FMN1: variants seen among roughly 807,000 people sequenced by gnomAD.
FMN1 encodes formin-1.
FMN1 carries 110 observed loss-of-function variants against 132.4 expected under a neutral mutation model. The observed-to-expected ratio is 0.83, with a 90% CI of 0.71 to 0.97. The LOEUF (loss-of-function observed/expected upper bound fraction) is 0.97. FMN1 is among the 50% of genes least tolerant of loss of function. The pLI, the probability that FMN1 is intolerant of heterozygous loss-of-function variation, is 0.00. For missense variants in FMN1, 1,792 were observed against 1,705.3 expected, an observed-to-expected ratio of 1.05 and a Z score of -0.90; for synonymous variants, 722 against 651.7, an observed-to-expected ratio of 1.11 and a Z score of -1.64.
intron 5 of FMN1, among the ~76,000 whole-genome samples, chr15:33,080,357 G>A (rs1204315798): frequency 2.6e-5 from 4 of 152,188 alleles, no homozygotes; most frequent in Admixed American, 6.5e-5. Flanking sequence ...GTAACTGAGT[G>A]CCTACATTTT....
chr15:33,185,260 G>A (rs749287522), intron 2 of FMN1, among the ~76,000 whole-genome samples: 23 of 152,298 alleles, frequency 1.5e-4, no homozygotes, highest in Non-Finnish European at 2.4e-4. Flanking sequence ...CTGTTTAGGT[G>A]CCATGGCAAT....
rs1362308495 is a variant in FMN1 at position 32,940,376 on chromosome 15, C to T, written c.3139-14115G>A. On this transcript the variant is annotated intron_variant, in intron 9 of 20. Transcript: ENST00000616417. ...AATACGCAAATTCCCATGTCTACTG[C>T]AAACAAAATAAAAATTGTGTGTGTG... Among the ~76,000 whole-genome samples, 2 of 148,686 alleles carry T rather than the reference C, an allele frequency of 1.3e-5. 1 individual carries two copies. The highest frequency in any genetic ancestry group is 1.4e-4 in the Admixed American group (2 of 14,652).
chr15:33,050,970 G>C (rs1298562555), intron 6 of FMN1, among the ~76,000 whole-genome samples: 2 of 152,226 alleles, frequency 1.3e-5, no homozygotes, highest in African/African-American at 4.8e-5. Flanking sequence ...AGATTTTATA[G>C]TATGACCCCA....
At chr15:33,161,356 G>C (rs71462852) in intron 3 of FMN1, among the ~76,000 whole-genome samples, 2,524 of 152,136 alleles carry the variant, frequency 0.017, 33 homozygotes, top group Non-Finnish European at 0.024. Flanking sequence ...AAGAGGGCTC[G>C]GGACCTTTAT....
intron 16 of FMN1, among the ~76,000 whole-genome samples, chr15:32,870,407 G>A (rs2059488036): frequency 1.3e-5 from 2 of 152,188 alleles, no homozygotes; most frequent in Non-Finnish European, 2.9e-5. Context: ...ACTGAGGGAG[G>A]CTGCCCAAGA....
intron 5 of FMN1, among the ~76,000 whole-genome samples, 154 bp downstream of exon 5, chr15:33,088,645 T>G (rs2038791649): frequency 6.6e-6 from 1 of 152,192 alleles, no homozygotes; most frequent in African/African-American, 2.4e-5. Flanking sequence ...ATCACCAAGA[T>G]GCATCTTCAT....
Position 32,912,706 on chromosome 15 carries a change from G to A in FMN1, c.3227-2171C>T, listed in dbSNP as rs1027567819. Among the ~76,000 whole-genome samples the A allele has an allele frequency of 2.6e-5, 4 of 151,572 alleles. 1 individual carries two copies. The South Asian group carries it at 8.3e-4, about 32-fold the overall frequency. ...CAGGGAGAGGTAACTGCAAAGACAAGTTTCTTTTTCTGAAGGAACACATTC... is the reference window on the plus strand; with the variant it reads ...CAGGGAGAGGTAACTGCAAAGACAAATTTCTTTTTCTGAAGGAACACATTC... On this transcript the variant is annotated intron_variant, in intron 10 of 20. Coordinates refer to ENST00000616417, the MANE Select transcript of FMN1 (RefSeq NM_001277313.2).
At chr15:32,830,248 T>A (rs1423040128) in intron 17 of FMN1, among the ~76,000 whole-genome samples, 1 of 152,194 alleles carries the variant, frequency 6.6e-6, no homozygotes, top group African/African-American at 2.4e-5. Context: ...TCTGGCCATA[T>A]AACTGAGTGC....
At chr15:33,088,343 G>C (rs1267949179) in intron 5 of FMN1, among the ~76,000 whole-genome samples, 1 of 152,198 alleles carries the variant, frequency 6.6e-6, no homozygotes, top group African/African-American at 2.4e-5. Context: ...TGCCAACCTA[G>C]TCACCTGTTA....
chr15:33,128,521 A>G (rs1289932381), intron 4 of FMN1, among the ~76,000 whole-genome samples: 3 of 152,254 alleles, frequency 2.0e-5, no homozygotes, highest in African/African-American at 7.2e-5. Context: ...TGAGAATGAA[A>G]CAGCGTGATA....
chr15:33,030,423 G>A (rs879490916), intron 6 of FMN1, among the ~76,000 whole-genome samples: 26 of 152,258 alleles, frequency 1.7e-4, no homozygotes, highest in Admixed American at 1.3e-3. Flanking sequence ...GAAAAATCAC[G>A]TCACTCTGTG....
chr15:33,178,996 T>C (rs1310300317), intron 3 of FMN1, among the ~76,000 whole-genome samples: 1 of 152,188 alleles, frequency 6.6e-6, no homozygotes, highest in Non-Finnish European at 1.5e-5. Context: ...AAATCCAACC[T>C]GCGTCTCTGC....
intron 4 of FMN1, among the ~76,000 whole-genome samples, chr15:33,125,231 A>C (rs922864748): frequency 6.6e-6 from 1 of 152,208 alleles, no homozygotes; most frequent in African/African-American, 2.4e-5. Context: ...TGTCTTCCAT[A>C]AAATGGAGGA....
intron 4 of FMN1, among the ~76,000 whole-genome samples, chr15:33,124,918 ATAC>A (rs1312716373): frequency 6.6e-6 from 1 of 151,874 alleles, no homozygotes; most frequent in East Asian, 1.9e-4. Context: ...AATGTTAAAG[ATAC>A]TATGTGCCAC....
chr15:32,904,537 G>C (rs1176749746), intron 12 of FMN1, among the ~76,000 whole-genome samples: 1 of 152,136 alleles, frequency 6.6e-6, no homozygotes, highest in Non-Finnish European at 1.5e-5. Flanking sequence ...CAAGAGGAAA[G>C]GTAAGAGGGG....
intron 17 of FMN1, among the ~76,000 whole-genome samples, chr15:32,848,972 C>CTTTTTT (rs1224231827): frequency 1.9e-4 from 13 of 68,590 alleles, no homozygotes; most frequent in East Asian, 7.8e-4. Flanking sequence ...GGTTAGTTCT[C>CTTTTTT]TTTTGTTTTT....
chr15:33,151,315 A>C, intron 4 of FMN1: 1 of 1,536,534 alleles, frequency 6.5e-7, no homozygotes, highest in Non-Finnish European at 8.7e-7. Context: ...GGTTAGAAGC[A>C]CAGGAGATGC....
At chr15:32,808,264 A>C (rs971355538) in intron 17 of FMN1, among the ~76,000 whole-genome samples, 4 of 152,216 alleles carry the variant, frequency 2.6e-5, no homozygotes, top group African/African-American at 9.6e-5. Flanking sequence ...ATCAGAACTC[A>C]TGATAACTAA....
chr15:33,067,111 ACT>A (rs773092678), intron 5 of FMN1: 1 of 1,613,926 alleles, frequency 6.2e-7, no homozygotes, highest in South Asian at 1.1e-5. Context: ...TAGAAGAGGC[ACT>A]CTCAGTGATA....
Sources: gnomAD v4.1 joint callset for allele counts (sites outside exome capture counted in the v4.1 genomes callset) on GRCh38, gnomAD v4.1.1 for gene constraint, MANE v1.5 for transcripts, NCBI Gene and HGNC (gene_info 2026-07-23, HGNC 2026-07-21) for gene names.